The following RECK variants were observed in gnomAD, a reference collection of about 807,000 sequenced individuals.
RECK encodes the protein reversion-inducing cysteine-rich protein with Kazal motifs.
A neutral mutation model predicts 115.1 loss-of-function variants in RECK; 69 were observed. The observed-to-expected ratio is 0.60, with a 90% confidence interval of 0.49 to 0.73. RECK has a LOEUF of 0.73. Ranked by LOEUF, RECK falls within the 30% of genes least tolerant of loss-of-function variation. The pLI, the probability that RECK is intolerant of heterozygous loss-of-function variation, is 0.00. For missense variants in RECK, 1,047 were observed against 1,203.7 expected (o/e 0.87, Z 1.93); for synonymous variants, 414 against 419.7 (o/e 0.99, Z 0.17).
At chr9:36,053,884 G>T (rs1821409452) in intron 2 of RECK, among the ~76,000 whole-genome samples, 1 of 152,162 alleles carries the variant, frequency 6.6e-6, no homozygotes, top group African/African-American at 2.4e-5. Context: ...AAATAAGGCA[G>T]ATAGGTCCAA....
intron 18 of RECK, among the ~76,000 whole-genome samples, chr9:36,119,953 G>A (rs560480530): frequency 3.9e-5 from 6 of 152,242 alleles, no homozygotes; most frequent in Admixed American, 3.3e-4. Flanking sequence ...AATTTGAATC[G>A]GTCGGGCGTG....
chr9:36,048,424 A>T (rs1432020392), intron 1 of RECK, among the ~76,000 whole-genome samples: 3 of 151,962 alleles, frequency 2.0e-5, no homozygotes, highest in Admixed American at 6.6e-5. Context: ...CTCTAAGTTG[A>T]TGAAGCAGTG....
intron 15 of RECK, among the ~76,000 whole-genome samples, chr9:36,111,958 C>CAA (rs534499174): frequency 4.2e-4 from 53 of 127,632 alleles, no homozygotes; most frequent in African/African-American, 1.5e-3. Context: ...TGTCAGAATA[C>CAA]AAAAAAAAAA....
chr9:36,123,271 C>T lies in RECK; in HGVS notation c.*226C>T, dbSNP rs955161632. ...CCAAATACTAATGAAAACAGAATGT[C>T]TCTTCCTGGTAGACCACTGCCATAT... is the stretch of plus-strand genomic sequence containing the variant. On this transcript the variant is annotated 3_prime_UTR_variant, in exon 21 of 21. Transcript: ENST00000377966. 2.0e-6 allele frequency: 1 copy of T among 488,646 alleles called. No homozygotes were observed. Among genetic ancestry groups the T allele is most frequent in the African/African-American group, 1.9e-5 (1 of 51,304 alleles). 30.3% of individuals were successfully genotyped at this position (488,646 alleles called of 1,614,324 possible). A position where few individuals can be genotyped will look rare whatever the true frequency, so the allele number is the denominator to read the frequency against.
At chr9:36,050,997 T>C (rs1821275042) in intron 1 of RECK, among the ~76,000 whole-genome samples, 1 of 152,166 alleles carries the variant, frequency 6.6e-6, no homozygotes, top group East Asian at 1.9e-4. Flanking sequence ...GTATTCTCTC[T>C]CTCTGTCTCC....
rs1376213136 is a variant in RECK, at chr9:36,037,062, G to T, written c.64G>T (p.Ala22Ser). The T allele has an allele frequency of 7.2e-7, 1 of 1,390,022 alleles. No homozygotes were observed. The highest frequency in any genetic ancestry group is 9.4e-7 in the Non-Finnish European group (1 of 1,066,684). The allele number at this position is 1,390,022 out of a possible 1,614,324, so 86.1% of individuals were successfully genotyped here. The change falls in exon 1 of 21, where the codon GCG becomes TCG. Residue 22 changes from alanine (A) to serine (S), a missense_variant. Physicochemically the swap from Ala to Ser is moderately conservative, Grantham distance 99 (BLOSUM62 1). Coordinates refer to ENST00000377966, the MANE Select transcript of RECK (RefSeq NM_021111.3). The part of the protein sequence containing the change: ...LLLLLAVAGV[A>S]EVAGGLAPGS... ...CCTTCTGCTGGCCGTGGCGGGGGTCGCGGAGGTGGCAGGGGGCCTGGCTCC... is the reference window on the plus strand; with the variant it reads ...CCTTCTGCTGGCCGTGGCGGGGGTCTCGGAGGTGGCAGGGGGCCTGGCTCC...
At chr9:36,048,148 T>C (rs1821146220) in intron 1 of RECK, among the ~76,000 whole-genome samples, 1 of 139,774 alleles carries the variant, frequency 7.2e-6, no homozygotes, top group Admixed American at 6.9e-5. Context: ...TATATATATA[T>C]ATATATATAT....
chr9:36,090,841 A>C (rs1297770709), intron 9 of RECK, among the ~76,000 whole-genome samples: 1 of 151,898 alleles, frequency 6.6e-6, no homozygotes, highest in African/African-American at 2.4e-5. Flanking sequence ...AAAAGTAAAA[A>C]AGAAATCAGA....
At chr9:36,105,079 G>T in intron 12 of RECK, 64 bp from the exon 13 acceptor site, 1 of 1,376,042 alleles carries the variant, frequency 7.3e-7, no homozygotes, top group Non-Finnish European at 1.0e-6. Flanking sequence ...AATTAATTCA[G>T]ATAATTTACA....
intron 6 of RECK, chr9:36,066,643 G>T (rs1314154910): frequency 5.3e-6 from 2 of 377,442 alleles, no homozygotes; most frequent in Non-Finnish European, 8.8e-6. Flanking sequence ...AGAAGTAAAA[G>T]ATCTTTATTT....
chr9:36,082,231 TAG>T (rs1310085250), intron 7 of RECK, among the ~76,000 whole-genome samples: 2 of 151,396 alleles, frequency 1.3e-5, no homozygotes, highest in East Asian at 3.9e-4. Context: ...TTGCTGAGGC[TAG>T]AGTGTGGTGG....
At chr9:36,089,253 G>C (rs775699194) in intron 9 of RECK, among the ~76,000 whole-genome samples, 1 of 152,118 alleles carries the variant, frequency 6.6e-6, no homozygotes, top group African/African-American at 2.4e-5. Flanking sequence ...TTACACCTAC[G>C]TAGAGTCACT....
intron 1 of RECK, among the ~76,000 whole-genome samples, chr9:36,039,471 A>AC (rs1478612789): frequency 1.3e-5 from 2 of 151,954 alleles, no homozygotes; most frequent in African/African-American, 4.8e-5. Context: ...CAGGTTATTG[A>AC]CCCCCTCTAT....
chr9:36,046,494 G>A (rs1188609274), intron 1 of RECK, among the ~76,000 whole-genome samples: 6 of 152,214 alleles, frequency 3.9e-5, no homozygotes, highest in African/African-American at 1.4e-4. Flanking sequence ...TACAATAATG[G>A]CTAAGGGTAA....
chr9:36,102,001 T>C, intron 11 of RECK, 93 bp from the exon 12 acceptor site: 1 of 1,223,836 alleles, frequency 8.2e-7, no homozygotes, highest in Non-Finnish European at 1.1e-6. Flanking sequence ...TATGAAAGCT[T>C]ACTTTCTGGA....
chr9:36,086,459 G>A (rs993832418), intron 8 of RECK, among the ~76,000 whole-genome samples: 17 of 152,252 alleles, frequency 1.1e-4, no homozygotes, highest in African/African-American at 2.9e-4. Context: ...GCAGACCTTC[G>A]CAGTGAGTGT....
intron 1 of RECK, among the ~76,000 whole-genome samples, chr9:36,045,553 A>C (rs895969297): frequency 6.6e-6 from 1 of 150,766 alleles, no homozygotes; most frequent in Non-Finnish European, 1.5e-5. Flanking sequence ...ACACATACAC[A>C]CTGTTTTAGT....
At chr9:36,078,888 A>G (rs201616047) in intron 6 of RECK, among the ~76,000 whole-genome samples, 4 of 150,800 alleles carry the variant, frequency 2.7e-5, no homozygotes, top group South Asian at 2.1e-4. Flanking sequence ...TTGTTTGTTT[A>G]TTTGTTTATT....
At chr9:36,104,321 TATATA>T (rs1251437380) in intron 12 of RECK, among the ~76,000 whole-genome samples, 1 of 65,122 alleles carries the variant, frequency 1.5e-5, no homozygotes, top group Admixed American at 1.8e-4. Context: ...TATATATATA[TATATA>T]TTTTTTTTTT....
Sources: allele counts gnomAD v4.1 joint callset (sites outside exome capture counted in the v4.1 genomes callset), GRCh38; gene constraint gnomAD v4.1.1; transcripts MANE v1.5; gene names NCBI Gene and HGNC (gene_info 2026-07-23, HGNC 2026-07-21).